TRMT11: variants seen among roughly 807,000 people sequenced by gnomAD.
The protein encoded by TRMT11 is tRNA (guanine(10)-N(2))-methyltransferase TRMT11.
Under a neutral mutation model 62.8 loss-of-function variants are expected in TRMT11, and 53 were observed. The observed-to-expected ratio is 0.84, with a 90% CI of 0.68 to 1.06. TRMT11 has a LOEUF of 1.06. TRMT11 is among the 50% of genes least tolerant of loss of function. The pLI is 0.00. For missense variants in TRMT11, 556 were observed against 553.4 expected, an observed-to-expected ratio of 1.00 and a Z score of -0.05; for synonymous variants, 188 against 190.3, an observed-to-expected ratio of 0.99 and a Z score of 0.10.
At chr6:126,176,266 G>T (rs1490346159), upstream of TRMT11, among the ~76,000 whole-genome samples, 1 of 152,150 alleles carries the variant, frequency 6.6e-6, no homozygotes, top group African/African-American at 2.4e-5. Flanking sequence ...CTGGTTAAGT[G>T]TCTTTTTCTT....
At chr6:126,106,936 C>CA (rs59224462) in intron 17 of TRMT11, among the ~76,000 whole-genome samples, 4,232 of 94,078 alleles carry the variant, frequency 0.045, 102 homozygotes, top group South Asian at 0.14. Context: ...CTCTCTCTCT[C>CA]AAAAAAAAAA....
chr6:126,036,664 C>A (rs569896165), intron 12 of TRMT11, among the ~76,000 whole-genome samples: 1 of 151,926 alleles, frequency 6.6e-6, no homozygotes, highest in Non-Finnish European at 1.5e-5. Context: ...AAATAAAAAC[C>A]GAAGAAAAAC....
intron 21 of TRMT11, among the ~76,000 whole-genome samples, chr6:126,167,057 G>C (rs572077734): frequency 6.6e-6 from 1 of 152,146 alleles, no homozygotes. Context: ...GGCTTCATTG[G>C]GGGTGGGATC....
At chr6:126,071,779 T>C (rs1428759676) in intron 17 of TRMT11, among the ~76,000 whole-genome samples, 1 of 152,066 alleles carries the variant, frequency 6.6e-6, no homozygotes, top group Admixed American at 6.6e-5. Context: ...CAGAACAGTT[T>C]CAGAAAATAA....
chr6:125,988,588 T>G (rs899814920), intron 1 of TRMT11, among the ~76,000 whole-genome samples: 1 of 151,912 alleles, frequency 6.6e-6, no homozygotes, highest in African/African-American at 2.4e-5. Context: ...AATGAATGAG[T>G]GGAAGTTATT....
intron 21 of TRMT11, among the ~76,000 whole-genome samples, chr6:126,149,998 T>A (rs1295040289): frequency 6.6e-6 from 1 of 152,204 alleles, no homozygotes; most frequent in African/African-American, 2.4e-5. Flanking sequence ...GAATTCTTTT[T>A]CCCTCTAAAA....
Position 126,097,292 on chromosome 6 carries a change from A to G in TRMT11, c.*1438-15574A>G, listed in dbSNP as rs1777351595. Among the ~76,000 whole-genome samples, 3 of 152,276 alleles carry G rather than the reference A, an allele frequency of 2.0e-5. No homozygotes were observed. The East Asian group carries it at 5.8e-4, about 29-fold the overall frequency. On this transcript the variant is annotated intron_variant and NMD_transcript_variant, in intron 17 of 22. Transcript: ENST00000648977. The stretch of plus-strand genomic sequence containing the variant: ...CCACTCTGTTTATCAGCATTGTTGG[A>G]GACCTACTAACTGCTAAAACATAGC...
At chr6:126,008,325 G>A in intron 7 of TRMT11, 67 bp from the exon 8 acceptor site, 1 of 1,323,228 alleles carries the variant, frequency 7.6e-7, no homozygotes. Context: ...ACTGGATGAA[G>A]TTAAATAGGA....
intron 11 of TRMT11, among the ~76,000 whole-genome samples, chr6:126,017,931 T>C (rs747907597): frequency 2.4e-4 from 37 of 152,186 alleles, no homozygotes; most frequent in Non-Finnish European, 4.9e-4. Flanking sequence ...ACTGAGTGAG[T>C]GTAGCTGTTT....
intron 17 of TRMT11, among the ~76,000 whole-genome samples, chr6:126,056,320 T>C (rs1776373090): frequency 6.6e-6 from 1 of 152,182 alleles, no homozygotes; most frequent in Admixed American, 6.5e-5. Flanking sequence ...GGAGTCAAAT[T>C]GTTCAAGATG....
intron 21 of TRMT11, among the ~76,000 whole-genome samples, chr6:126,162,585 G>C (rs912082832): frequency 1.3e-5 from 2 of 151,998 alleles, no homozygotes; most frequent in African/African-American, 4.8e-5. Flanking sequence ...GAAGTTTTTT[G>C]TAATTCGGTG....
the TRMT11 span, among the ~76,000 whole-genome samples, chr6:126,266,535 T>G: frequency 6.6e-6 from 1 of 152,172 alleles, no homozygotes; most frequent in African/African-American, 2.4e-5. Context: ...TATTTAGTTC[T>G]TCTTTTAGGT....
At chr6:126,210,192 TA>T in the TRMT11 span, among the ~76,000 whole-genome samples, 2 of 152,200 alleles carry the variant, frequency 1.3e-5, no homozygotes, top group African/African-American at 4.8e-5. Context: ...GTGGAGCCTT[TA>T]AAAGAGGGTC....
At chr6:126,059,351 T>TCA (rs1776465112) in intron 17 of TRMT11, among the ~76,000 whole-genome samples, 1 of 152,166 alleles carries the variant, frequency 6.6e-6, no homozygotes, top group Non-Finnish European at 1.5e-5. Flanking sequence ...CAAGACCAAA[T>TCA]CACACTGTTC....
intron 17 of TRMT11, among the ~76,000 whole-genome samples, chr6:126,111,006 C>T (rs1025656267): frequency 6.6e-6 from 1 of 151,922 alleles, no homozygotes; most frequent in Non-Finnish European, 1.5e-5. Context: ...TGAGTTTGAC[C>T]CAGGCAGTTA....
chr6:126,023,845 T>C (rs1449422191), intron 12 of TRMT11, among the ~76,000 whole-genome samples: 2 of 152,208 alleles, frequency 1.3e-5, no homozygotes, highest in Non-Finnish European at 2.9e-5. Flanking sequence ...TTATATTTGT[T>C]ACAGTAATTG....
At chr6:126,181,878 T>C (rs1259365619) in intron 1 of TRMT11, among the ~76,000 whole-genome samples, 3 of 152,220 alleles carry the variant, frequency 2.0e-5, no homozygotes, top group Non-Finnish European at 4.4e-5. Context: ...ATTATTTTAA[T>C]GGCTTTTTGT....
At chr6:126,204,765 G>A (rs928259026), downstream of TRMT11, among the ~76,000 whole-genome samples, 1 of 152,168 alleles carries the variant, frequency 6.6e-6, no homozygotes, top group Non-Finnish European at 1.5e-5. Context: ...GCAGTACTAT[G>A]TATTAACTAA....
At chr6:126,152,733 T>C (rs1211194305) in intron 21 of TRMT11, among the ~76,000 whole-genome samples, 1 of 152,184 alleles carries the variant, frequency 6.6e-6, no homozygotes, top group East Asian at 1.9e-4. Context: ...TGGCCCCAAA[T>C]TCTTTAGGTT....
Sources: gnomAD v4.1 joint callset for allele counts (sites outside exome capture counted in the v4.1 genomes callset) on GRCh38, gnomAD v4.1.1 for gene constraint, MANE v1.5 for transcripts, NCBI Gene and HGNC (gene_info 2026-07-23, HGNC 2026-07-21) for gene names.